Variants in RRP15 observed in about 807,000 individuals in gnomAD.
RRP15 encodes ribosomal RNA processing 15 homolog.
Under a neutral mutation model 27.1 loss-of-function variants are expected in RRP15, and 18 were observed. The ratio of observed to expected loss-of-function variants is 0.66; its 90% confidence interval spans 0.46 to 0.98. The LOEUF is 0.98. RRP15 is among the 50% of genes least tolerant of loss of function. RRP15 has a pLI of 0.00. For missense variants in RRP15, 359 were observed against 337.8 expected (o/e 1.06, Z -0.49); for synonymous variants, 107 against 109.4 (o/e 0.98, Z 0.14).
chr1:218,328,587 C>T (rs561569628), intron 4 of RRP15, among the ~76,000 whole-genome samples: 8 of 151,952 alleles, frequency 5.3e-5, no homozygotes, highest in East Asian at 3.9e-4. Context: ...GGCGTGAACC[C>T]GGGAGGCGGA....
rs547715379 is a variant in RRP15 at position 218,335,797 on chromosome 1, T to A, written c.*4706T>A. 6 of 152,272 alleles carry A rather than the reference T, an allele frequency of 3.9e-5. No individual in the cohort carries two copies. The highest frequency in any genetic ancestry group is 2.1e-4 in the South Asian group (1 of 4,826). The allele number at this position is 152,272 out of a possible 1,614,324, so 9.4% of individuals were successfully genotyped here. On this transcript the variant is annotated 3_prime_UTR_variant, in exon 5 of 5. Transcript: ENST00000366932. Reference sequence around the variant, plus strand: ...TAGGCATATACAAATACTGGTGAAATTTTATTGATTGAATTATTGTTGACT... The same window carrying A: ...TAGGCATATACAAATACTGGTGAAAATTTATTGATTGAATTATTGTTGACT...
At position 218,333,658 on chromosome 1, in the gene RRP15, A is replaced by G. The variant is rs992983016; in HGVS notation, c.*2567A>G. On this transcript the variant is annotated 3_prime_UTR_variant, in exon 5 of 5. Coordinates refer to ENST00000366932, the MANE Select transcript of RRP15 (RefSeq NM_016052.4). Reference sequence around the variant, plus strand: ...ACTACAGGTGTGCACCACCATGCCCAGCTAATTTTTTGTCTTTTTGATGTA... The same window carrying G: ...ACTACAGGTGTGCACCACCATGCCCGGCTAATTTTTTGTCTTTTTGATGTA... 7 of 152,154 alleles carry G rather than the reference A, an allele frequency of 4.6e-5. No homozygotes were observed. The highest frequency in any genetic ancestry group is 1.7e-4 in the African/African-American group (7 of 41,388). The allele number at this position is 152,154 out of a possible 1,614,324, so 9.4% of individuals were successfully genotyped here. A position where few individuals can be genotyped will look rare whatever the true frequency, so the allele number is the denominator to read the frequency against.
Position 218,330,962 on chromosome 1 carries a change from A to T in RRP15, c.720A>T (p.Ser240=), listed in dbSNP as rs1343373009. 3 of 1,611,650 alleles carry T rather than the reference A, an allele frequency of 1.9e-6. No individual in the cohort carries two copies. The highest frequency in any genetic ancestry group is 2.5e-6 in the Non-Finnish European group (3 of 1,178,516). ...KPKAKQTEVK[S]EEGPGWTILR... ...ATTTTCCTTAGACTGAAGTGAAATC[A>T]GAAGAAGGCCCAGGTTGGACGATCC... The change falls in exon 5 of 5, where the codon TCA becomes TCT. Residue 240 remains serine, a synonymous_variant. Coordinates refer to ENST00000366932, the MANE Select transcript of RRP15 (RefSeq NM_016052.4).
intron 4 of RRP15, among the ~76,000 whole-genome samples, chr1:218,312,286 T>C (rs2102505595): frequency 6.6e-6 from 1 of 151,594 alleles, no homozygotes. Context: ...TTTTTTCTTT[T>C]TTTTTTTTTT....
chr1:218,295,414 T>G (rs1655704160), intron 1 of RRP15, among the ~76,000 whole-genome samples: 1 of 152,210 alleles, frequency 6.6e-6, no homozygotes, highest in African/African-American at 2.4e-5. Flanking sequence ...TCATAGAATG[T>G]GCCCATATGA....
rs144145226 is a variant in RRP15 at position 218,290,287 on chromosome 1, C to T, written c.139+4832C>T. Among the ~76,000 whole-genome samples, 310 of 152,254 alleles carry T rather than the reference C, an allele frequency of 2.0e-3. 4 individuals are homozygous for T. Among genetic ancestry groups the T allele is most frequent in the African/African-American group, 7.3e-3 (305 of 41,542 alleles). ...GTGAATTCGCAGTTGATTCTAGTTA[C>T]AGTAATGTTCAGTAAAGTTGCAGGA... On this transcript the variant is annotated intron_variant, in intron 1 of 4. Coordinates refer to ENST00000366932, the MANE Select transcript of RRP15 (RefSeq NM_016052.4).
intron 1 of RRP15, among the ~76,000 whole-genome samples, chr1:218,288,025 C>T (rs17047577): frequency 0.076 from 11,536 of 152,148 alleles, 738 homozygotes; most frequent in African/African-American, 0.18. Flanking sequence ...GTTATGGCTC[C>T]AGCTGTTCAG....
chr1:218,312,895 G>T (rs1164557477), intron 4 of RRP15, among the ~76,000 whole-genome samples: 1 of 152,172 alleles, frequency 6.6e-6, no homozygotes, highest in Non-Finnish European at 1.5e-5. Context: ...TGGAATGTAG[G>T]ATGTTTGCTA....
At chr1:218,289,637 T>C (rs1655602798) in intron 1 of RRP15, among the ~76,000 whole-genome samples, 1 of 152,180 alleles carries the variant, frequency 6.6e-6, no homozygotes, top group African/African-American at 2.4e-5. Flanking sequence ...TTGGTTTAAT[T>C]AATCCATTTA....
At chr1:218,295,296 G>A (rs543761802) in intron 1 of RRP15, among the ~76,000 whole-genome samples, 3 of 152,302 alleles carry the variant, frequency 2.0e-5, no homozygotes, top group East Asian at 3.9e-4. Flanking sequence ...TAAGATTGTA[G>A]TCTTGGGACA....
chr1:218,315,866 C>T (rs145192654), intron 4 of RRP15, among the ~76,000 whole-genome samples: 3 of 152,186 alleles, frequency 2.0e-5, no homozygotes, highest in Non-Finnish European at 4.4e-5. Context: ...TTTACTCTCA[C>T]GTAAAGCTCT....
chr1:218,302,434 G>T lies in RRP15; in HGVS notation c.280G>T (p.Asp94Tyr), dbSNP rs1190867438. The change falls in exon 2 of 5, where the codon GAT (aspartate) becomes TAT (tyrosine). Residue 94 changes from aspartate to tyrosine, a missense_variant. Asp to Tyr is a radical substitution (Grantham distance 160, BLOSUM62 -3). Coordinates refer to ENST00000366932, the MANE Select transcript of RRP15 (RefSeq NM_016052.4). ...TGTTGGGACTAATATGGGCTGGGCA[G>T]ATGCTATGGCTAAAGTCCTCAACAA... ...SSVGTNMGWA[D>Y]AMAKVLNKKT... The T allele has an allele frequency of 6.2e-7, 1 of 1,614,116 alleles. No homozygotes were observed.
At chr1:218,299,986 C>CT (rs540326273) in intron 1 of RRP15, among the ~76,000 whole-genome samples, 19 of 150,050 alleles carry the variant, frequency 1.3e-4, no homozygotes, top group African/African-American at 3.2e-4. Context: ...ATTTAGATAC[C>CT]TTTTTTTTTA....
At chr1:218,296,490 CA>C (rs1436235393) in intron 1 of RRP15, among the ~76,000 whole-genome samples, 2 of 151,786 alleles carry the variant, frequency 1.3e-5, no homozygotes, top group African/African-American at 4.8e-5. Context: ...TTCATCTCTA[CA>C]AAAAATTAGC....
chr1:218,337,473 A>C lies in RRP15; in HGVS notation c.*6382A>C, dbSNP rs956536552. 2.6e-5 allele frequency: 4 copies of C among 152,226 alleles called. No homozygotes were observed. Among genetic ancestry groups the C allele is most frequent in the Non-Finnish European group, 4.4e-5 (3 of 68,032 alleles). 9.4% of individuals were successfully genotyped at this position (152,226 alleles called of 1,614,324 possible). A position where few individuals can be genotyped will look rare whatever the true frequency, so the allele number is the denominator to read the frequency against. On this transcript the variant is annotated 3_prime_UTR_variant, in exon 5 of 5. Coordinates refer to ENST00000366932, the MANE Select transcript of RRP15 (RefSeq NM_016052.4). ...TGATATGAGGACATTTACATAAACT[A>C]TCGAACCACCAGTCTTCTGTCAATT...
At chr1:218,330,808 T>C in intron 4 of RRP15, 140 bp from the exon 5 acceptor site, 1 of 619,588 alleles carries the variant, frequency 1.6e-6, no homozygotes, top group South Asian at 2.2e-5. Context: ...GTGTATAAAG[T>C]AAGTCGATTT....
chr1:218,324,901 T>C (rs1656248611), intron 4 of RRP15, among the ~76,000 whole-genome samples: 1 of 152,188 alleles, frequency 6.6e-6, no homozygotes, highest in Non-Finnish European at 1.5e-5. Context: ...TCAAATGATC[T>C]GAAGTGATGT....
chr1:218,295,349 T>TA (rs1655703156), intron 1 of RRP15, among the ~76,000 whole-genome samples: 1 of 151,924 alleles, frequency 6.6e-6, no homozygotes, highest in Non-Finnish European at 1.5e-5. Context: ...CAACCCAGGT[T>TA]AAAAAAAAGA....
At chr1:218,298,105 A>G (rs1655749243) in intron 1 of RRP15, among the ~76,000 whole-genome samples, 1 of 152,106 alleles carries the variant, frequency 6.6e-6, no homozygotes, top group African/African-American at 2.4e-5. Context: ...TACAATAGTA[A>G]TTTTGATTTT....
Sources: gnomAD v4.1 joint callset for allele counts (sites outside exome capture counted in the v4.1 genomes callset) on GRCh38, gnomAD v4.1.1 for gene constraint, MANE v1.5 for transcripts, NCBI Gene and HGNC (gene_info 2026-07-23, HGNC 2026-07-21) for gene names.